The following RNF217 variants were observed in gnomAD, a reference collection of about 807,000 sequenced individuals.
RNF217 encodes the protein E3 ubiquitin-protein ligase RNF217.
A neutral mutation model predicts 57.8 loss-of-function variants in RNF217; 31 were observed. The ratio of observed to expected loss-of-function variants is 0.54; its 90% CI spans 0.40 to 0.72. The LOEUF (loss-of-function observed/expected upper bound fraction) is 0.72, where lower values mean the gene tolerates loss of function less well. Among genes scored for constraint, RNF217 ranks in the 30% least tolerant of loss-of-function variants. The pLI, the probability that RNF217 is intolerant of heterozygous loss-of-function variation, is 0.00. For missense variants in RNF217, 696 were observed against 708.3 expected (o/e 0.98, Z 0.20); for synonymous variants, 313 against 294.0 (o/e 1.06, Z -0.66).
chr6:124,972,866 T>A (rs1562447000), intron 1 of RNF217, among the ~76,000 whole-genome samples: 1 of 152,224 alleles, frequency 6.6e-6, no homozygotes. Context: ...GAATCTTCTA[T>A]ACAATTATTC....
At chr6:125,016,735 G>C (rs1455867940) in intron 1 of RNF217, among the ~76,000 whole-genome samples, 2 of 150,292 alleles carry the variant, frequency 1.3e-5, no homozygotes, top group South Asian at 2.1e-4. Flanking sequence ...GCTGAACAAT[G>C]ACAACACGTG....
At chr6:125,079,408 T>C (rs1788493432) in intron 4 of RNF217, among the ~76,000 whole-genome samples, 1 of 145,816 alleles carries the variant, frequency 6.9e-6, no homozygotes, top group Admixed American at 6.9e-5. Flanking sequence ...ACAAAAACAA[T>C]GGAGCCTTCT....
intron 1 of RNF217, among the ~76,000 whole-genome samples, chr6:125,017,633 C>T (rs1785661843): frequency 6.6e-6 from 1 of 152,110 alleles, no homozygotes; most frequent in African/African-American, 2.4e-5. Flanking sequence ...TTCTATAGGC[C>T]TTTAAGCTCA....
intron 1 of RNF217, among the ~76,000 whole-genome samples, chr6:124,970,024 A>G (rs1243234871): frequency 2.0e-5 from 3 of 152,204 alleles, no homozygotes; most frequent in African/African-American, 7.2e-5. Flanking sequence ...AGGAATCGCA[A>G]GGAGATCTGT....
intron 1 of RNF217, among the ~76,000 whole-genome samples, chr6:125,014,589 A>G (rs1785535804): frequency 6.6e-6 from 1 of 152,178 alleles, no homozygotes. Flanking sequence ...ATCAGCCTCC[A>G]GAGATAACTG....
intron 1 of RNF217, among the ~76,000 whole-genome samples, chr6:125,040,016 C>T (rs1786809576): frequency 6.6e-6 from 1 of 152,022 alleles, no homozygotes. Context: ...GAAATCAACA[C>T]CCTAACATCA....
intron 1 of RNF217, among the ~76,000 whole-genome samples, chr6:125,028,372 T>G (rs570246346): frequency 6.6e-6 from 1 of 152,290 alleles, no homozygotes; most frequent in East Asian, 1.9e-4. Flanking sequence ...GGTCTTCTTT[T>G]GAGAAATGTC....
chr6:124,968,688 C>T (rs575153170), intron 1 of RNF217, among the ~76,000 whole-genome samples: 1 of 152,164 alleles, frequency 6.6e-6, no homozygotes, highest in Non-Finnish European at 1.5e-5. Context: ...TACTGCTGAC[C>T]TAAGGCATCA....
chr6:124,962,825 G>A lies in RNF217; in HGVS notation c.281G>A (p.Gly94Glu). The change falls in exon 1 of 6, where the codon GGG (glycine) becomes GAG (glutamate). Residue 94 changes from glycine to glutamate, a missense_variant. Physicochemically the swap from Gly to Glu is moderately conservative, Grantham distance 98. Coordinates refer to ENST00000521654, the MANE Select transcript of RNF217 (RefSeq NM_001286398.3). This position sits in a 1 kb window ranked among gnomAD's most constrained non-coding sequence, Gnocchi z 4.6. ...PAQPAGLALTGPLNPQTLPLQ... is the reference protein window; with the variant it reads ...PAQPAGLALTEPLNPQTLPLQ... ...CAGCCTGCGGGACTGGCACTCACCG[G>A]GCCTCTCAATCCCCAGACCTTGCCA... 2 of 1,597,910 alleles carry A rather than the reference G, an allele frequency of 1.3e-6. No individual in the cohort carries two copies. The highest frequency in any genetic ancestry group is 1.7e-6 in the Non-Finnish European group (2 of 1,179,628).
chr6:125,045,819 C>A (rs1787075526), intron 2 of RNF217, among the ~76,000 whole-genome samples: 1 of 151,042 alleles, frequency 6.6e-6, no homozygotes, highest in South Asian at 2.1e-4. Flanking sequence ...CTTGTTCTGT[C>A]TATAATAGGT....
Position 125,076,537 on chromosome 6 carries a change from G to T in RNF217, c.1282-120G>T, listed in dbSNP as rs572825187. 2.1e-5 allele frequency: 14 copies of T among 656,824 alleles called. No homozygotes were observed. In the East Asian group the frequency reaches 3.8e-4, roughly 18 times the overall value. The allele number at this position is 656,824 out of a possible 1,614,324, so 40.7% of individuals were successfully genotyped here. On this transcript the variant is annotated intron_variant, in intron 3 of 5. Transcript: ENST00000521654. Reference sequence around the variant, plus strand: ...TATAAGCAAATTCACAGCCTCAGGAGTGCTGTGAGAGACTTTTATTTTGGT... The same window carrying T: ...TATAAGCAAATTCACAGCCTCAGGATTGCTGTGAGAGACTTTTATTTTGGT...
At position 125,055,767 on chromosome 6, in the gene RNF217, TTTCA is replaced by T. The variant is rs568891039; in HGVS notation, c.1117-2168_1117-2165del. ...AGCAATTTTTTTCCTTCTTTCCTCA[TTTCA>T]TTCATTATATTGGAAAGGAAGGCTC... On this transcript the variant is annotated intron_variant, in intron 2 of 5. Transcript: ENST00000521654. Among the ~76,000 whole-genome samples the T allele has an allele frequency of 7.4e-3, 1,123 of 152,228 alleles. 12 individuals carry two copies. The highest frequency in any genetic ancestry group is 0.025 in the African/African-American group (1,036 of 41,546).
chr6:125,089,463 T>C lies in RNF217; in HGVS notation c.*6526T>C, dbSNP rs757545607. 33 of 152,304 alleles carry C rather than the reference T, an allele frequency of 2.2e-4. No homozygotes were observed. Among genetic ancestry groups the C allele is most frequent in the Admixed American group, 1.1e-3 (17 of 15,300 alleles). The allele number at this position is 152,304 out of a possible 1,614,324, so 9.4% of individuals were successfully genotyped here. On this transcript the variant is annotated 3_prime_UTR_variant, in exon 6 of 6. Coordinates refer to ENST00000521654, the MANE Select transcript of RNF217 (RefSeq NM_001286398.3). ...AGCATTTGTATATAAGATTCAATTA[T>C]GGATTCATGCTCTGTGAACATTGTT... is the stretch of plus-strand genomic sequence containing the variant.
chr6:124,976,252 T>C, intron 1 of RNF217, among the ~76,000 whole-genome samples: 1 of 129,832 alleles, frequency 7.7e-6, no homozygotes, highest in African/African-American at 2.8e-5. Context: ...CCTCCCTCAC[T>C]CCCTCCCTCC....
intron 1 of RNF217, among the ~76,000 whole-genome samples, chr6:125,019,006 T>C (rs1436513410): frequency 6.6e-6 from 1 of 152,106 alleles, no homozygotes; most frequent in African/African-American, 2.4e-5. Context: ...CTGGGGAAAG[T>C]GTACAGCCCC....
At chr6:124,992,440 C>T (rs905690871) in intron 1 of RNF217, among the ~76,000 whole-genome samples, 6 of 152,150 alleles carry the variant, frequency 3.9e-5, no homozygotes, top group Middle Eastern at 3.4e-3. Context: ...TAAGAATGTA[C>T]TTGACATAGG....
At chr6:125,009,598 T>C in intron 1 of RNF217, 1 of 266,418 alleles carries the variant, frequency 3.8e-6, no homozygotes, top group Non-Finnish European at 7.0e-6. Context: ...TATAGGCTCT[T>C]TTTTCCTTCC....
At chr6:125,031,659 A>G (rs569525073) in intron 1 of RNF217, among the ~76,000 whole-genome samples, 1 of 152,224 alleles carries the variant, frequency 6.6e-6, no homozygotes, top group African/African-American at 2.4e-5. Context: ...CTCAGCCTGG[A>G]CCTTCTTGTT....
intron 5 of RNF217, chr6:125,082,362 G>A (rs1472554947): frequency 7.5e-7 from 1 of 1,332,558 alleles, no homozygotes; most frequent in Non-Finnish European, 1.0e-6. Flanking sequence ...GTGCAGGACA[G>A]ATAGAATTAT....
Sources: allele counts gnomAD v4.1 joint callset (sites outside exome capture counted in the v4.1 genomes callset), GRCh38; gene constraint gnomAD v4.1.1; non-coding constraint Gnocchi (gnomAD v3.1); transcripts MANE v1.5; gene names NCBI Gene and HGNC (gene_info 2026-07-23, HGNC 2026-07-21).